The following FAM47E variants were observed in gnomAD, a reference collection of about 807,000 sequenced individuals.
FAM47E encodes the protein protein FAM47E.
In FAM47E, 32 loss-of-function variants were observed where a neutral mutation model predicts 41.6. The ratio of observed to expected loss-of-function variants is 0.77; its 90% confidence interval spans 0.58 to 1.03. FAM47E has a LOEUF of 1.03. Ranked by LOEUF, FAM47E falls within the 50% of genes least tolerant of loss-of-function variation. FAM47E has a pLI of 0.00. For synonymous variants in FAM47E, 184 were observed against 188.7 expected, an observed-to-expected ratio of 0.98 and a Z score of 0.20; for missense variants, 424 against 485.4, an observed-to-expected ratio of 0.87 and a Z score of 1.19.
chr4:76,280,142 A>G, intron 6 of FAM47E, 122 bp from the exon 7 acceptor site: 2 of 617,842 alleles, frequency 3.2e-6, no homozygotes, highest in South Asian at 4.3e-5. Context: ...ATATTCAAAA[A>G]CAAGAAGGAT....
At chr4:76,227,451 G>T (rs894723516) in intron 2 of FAM47E, among the ~76,000 whole-genome samples, 3 of 152,110 alleles carry the variant, frequency 2.0e-5, no homozygotes, top group Non-Finnish European at 4.4e-5. Flanking sequence ...CCTGTTTTGT[G>T]GCCTATCATA....
At chr4:76,222,635 T>C (rs1733329737) in intron 2 of FAM47E, among the ~76,000 whole-genome samples, 1 of 152,204 alleles carries the variant, frequency 6.6e-6, no homozygotes, top group South Asian at 2.1e-4. Context: ...TTTTGGTCCT[T>C]CACATTCTTT....
intron 1 of FAM47E, among the ~76,000 whole-genome samples, chr4:76,254,063 A>G (rs1402903615): frequency 6.6e-6 from 1 of 151,036 alleles, no homozygotes; most frequent in African/African-American, 2.4e-5. Context: ...TTGAGGCTGC[A>G]GTGAGCTATT....
At chr4:76,267,569 AG>A in intron 3 of FAM47E, 1 of 152,272 alleles carries the variant, frequency 6.6e-6, no homozygotes, top group Non-Finnish European at 1.5e-5. Context: ...TGAACACAAA[AG>A]CTTGTTCATG....
chr4:76,276,037 G>GACACAC (rs796893693), intron 5 of FAM47E, among the ~76,000 whole-genome samples: 507 of 62,394 alleles, frequency 8.1e-3, no homozygotes, highest in East Asian at 0.024. Flanking sequence ...CAGACAGACA[G>GACACAC]ACACACACAC....
chr4:76,260,602 A>G (rs2869863), intron 2 of FAM47E, among the ~76,000 whole-genome samples: 19,679 of 152,192 alleles, frequency 0.13, 1,579 homozygotes, highest in East Asian at 0.32. Context: ...ACCTGAAACT[A>G]TACAAATTCT....
rs1022153425 is a variant in FAM47E, at chr4:76,283,485, G to T, written c.*27G>T. The T allele has an allele frequency of 9.7e-6, 13 of 1,338,192 alleles. No individual in the cohort carries two copies. In the African/African-American group the frequency reaches 1.7e-4, roughly 18 times the overall value. The allele number at this position is 1,338,192 out of a possible 1,614,324, so 82.9% of individuals were successfully genotyped here. The stretch of plus-strand genomic sequence containing the variant: ...AGAATCGTAGGAGAATGATTAGGCA[G>T]ATTTTATTACTACGTACTTGGCTAT... On this transcript the variant is annotated 3_prime_UTR_variant, in exon 8 of 8. Coordinates refer to ENST00000424749, the MANE Select transcript of FAM47E (RefSeq NM_001136570.3).
At chr4:76,255,813 C>T (rs1163021721) in intron 1 of FAM47E, among the ~76,000 whole-genome samples, 1 of 152,082 alleles carries the variant, frequency 6.6e-6, no homozygotes, top group African/African-American at 2.4e-5. Flanking sequence ...GTGCCATTTA[C>T]GTAAATTAAG....
chr4:76,262,937 A>C (rs1010066189), intron 2 of FAM47E, among the ~76,000 whole-genome samples: 3 of 152,076 alleles, frequency 2.0e-5, no homozygotes, highest in African/African-American at 7.2e-5. Flanking sequence ...AATTTAAAAA[A>C]ATTTTTTAAA....
chr4:76,257,529 C>T (rs114978691), intron 2 of FAM47E, among the ~76,000 whole-genome samples: 3,510 of 152,210 alleles, frequency 0.023, 174 homozygotes, highest in African/African-American at 0.08. Flanking sequence ...GCATTCTGCT[C>T]TCCACAGTAC....
At chr4:76,218,888 A>G (rs1226811981) in intron 2 of FAM47E, among the ~76,000 whole-genome samples, 1 of 152,202 alleles carries the variant, frequency 6.6e-6, no homozygotes, top group South Asian at 2.1e-4. Context: ...TACTTGTACA[A>G]GCACTATGCT....
intron 2 of FAM47E, among the ~76,000 whole-genome samples, chr4:76,261,233 A>G (rs1405211303): frequency 6.6e-6 from 1 of 152,224 alleles, no homozygotes; most frequent in Admixed American, 6.5e-5. Flanking sequence ...TGAGACTGTA[A>G]GTTAGCTCAA....
intron 4 of FAM47E, 52 bp from the exon 5 acceptor site, chr4:76,271,516 A>G (rs1388197987): frequency 6.5e-7 from 1 of 1,542,668 alleles, no homozygotes; most frequent in African/African-American, 1.4e-5. Flanking sequence ...AGAAGAAAGC[A>G]AAGAGCATTT....
At chr4:76,249,688 C>T (rs749220598), upstream of FAM47E, among the ~76,000 whole-genome samples, 1 of 151,780 alleles carries the variant, frequency 6.6e-6, no homozygotes, top group Non-Finnish European at 1.5e-5. Context: ...TATCTCTTGT[C>T]CCCGTCCTAT....
chr4:76,248,150 G>A (rs138275602), upstream of FAM47E, among the ~76,000 whole-genome samples: 3,976 of 151,978 alleles, frequency 0.026, 64 homozygotes, highest in Non-Finnish European at 0.039. Context: ...TCCTGACATC[G>A]TGATCCGCCC....
At chr4:76,218,922 A>G (rs1352215898) in intron 2 of FAM47E, among the ~76,000 whole-genome samples, 1 of 152,156 alleles carries the variant, frequency 6.6e-6, no homozygotes, top group African/African-American at 2.4e-5. Flanking sequence ...GCATTACTTC[A>G]TTTACTCCTT....
At chr4:76,271,358 C>T (rs1734879598) in intron 4 of FAM47E, among the ~76,000 whole-genome samples, 1 of 152,160 alleles carries the variant, frequency 6.6e-6, no homozygotes, top group Admixed American at 6.5e-5. Context: ...TCATGATTTC[C>T]CTCACTGCTT....
chr4:76,236,406 C>A (rs1307371559), intron 2 of FAM47E: 1 of 151,986 alleles, frequency 6.6e-6, no homozygotes, highest in African/African-American at 2.4e-5. Flanking sequence ...ACTGCAGCAC[C>A]CTGATAGAAC....
At chr4:76,257,019 G>T (rs1734222690) in intron 2 of FAM47E, among the ~76,000 whole-genome samples, 1 of 152,154 alleles carries the variant, frequency 6.6e-6, no homozygotes, top group Non-Finnish European at 1.5e-5. Flanking sequence ...CAGCAGCTCT[G>T]TGATGTCACC....
Sources: gnomAD v4.1 joint callset for allele counts (sites outside exome capture counted in the v4.1 genomes callset) on GRCh38, gnomAD v4.1.1 for gene constraint, MANE v1.5 for transcripts, NCBI Gene and HGNC (gene_info 2026-07-23, HGNC 2026-07-21) for gene names.